Variants in COG6 observed in about 807,000 individuals in gnomAD.
The protein encoded by COG6 is conserved oligomeric Golgi complex subunit 6.
Under a neutral mutation model 88.8 loss-of-function variants are expected in COG6, and 74 were observed. That is an observed-to-expected ratio of 0.83 (90% CI 0.69 to 1.01). The LOEUF (loss-of-function observed/expected upper bound fraction) is 1.01, where lower values mean the gene tolerates loss of function less well. Among genes scored for constraint, COG6 ranks in the 50% least tolerant of loss-of-function variants. The pLI, the probability that COG6 is intolerant of heterozygous loss-of-function variation, is 0.00. For missense variants in COG6, 800 were observed against 797.9 expected, an observed-to-expected ratio of 1.00 and a Z score of -0.03; for synonymous variants, 286 against 278.7, an observed-to-expected ratio of 1.03 and a Z score of -0.26.
Position 39,655,775 on chromosome 13 carries a change from G to A in COG6, c.49G>A (p.Ala17Thr). 6.3e-7 allele frequency: 1 copy of A among 1,595,156 alleles called. No homozygotes were observed. The highest frequency in any genetic ancestry group is 8.5e-7 in the Non-Finnish European group (1 of 1,171,126). ...GGTCGCAGTGTCTGCGACCGGGGCT[G>A]CCAACGGCCTCAACAATGGGGCAGG... is the stretch of plus-strand genomic sequence containing the variant. ...EVVAVSATGA[A>T]NGLNNGAGGT... is the part of the protein sequence containing the mutation. The change falls in exon 1 of 19, where the codon GCC becomes ACC. Residue 17 changes from alanine (A) to threonine (T), a missense_variant. Physicochemically the swap from Ala to Thr is moderately conservative, Grantham distance 58. Coordinates refer to ENST00000455146, the MANE Select transcript of COG6 (RefSeq NM_020751.3).
chr13:39,660,281 G>GAA (rs1874816169), intron 2 of COG6, among the ~76,000 whole-genome samples: 1 of 151,992 alleles, frequency 6.6e-6, no homozygotes, highest in African/African-American at 2.4e-5. Flanking sequence ...CTACAGCATC[G>GAA]AACTCCTGGG....
chr13:39,733,102 A>C (rs1284449750), intron 18 of COG6, among the ~76,000 whole-genome samples: 1 of 152,158 alleles, frequency 6.6e-6, no homozygotes, highest in Non-Finnish European at 1.5e-5. Context: ...ACTGAAAGTG[A>C]AATAAATGTT....
chr13:39,763,215 C>G (rs1881075319), intron 18 of COG6, among the ~76,000 whole-genome samples: 6 of 151,696 alleles, frequency 4.0e-5, no homozygotes, highest in Admixed American at 3.3e-4. Flanking sequence ...AGCAACCTTG[C>G]TAAATTTACT....
chr13:39,655,932 G>A (rs1874457224), intron 1 of COG6, 53 bp downstream of exon 1: 1 of 1,565,472 alleles, frequency 6.4e-7, no homozygotes, highest in Admixed American at 1.9e-5. Context: ...GCTGAGCCGG[G>A]CCAGGGGCGG....
At chr13:39,754,497 G>A (rs536382578), downstream of COG6, among the ~76,000 whole-genome samples, 27 of 152,066 alleles carry the variant, frequency 1.8e-4, 1 homozygote, top group Non-Finnish European at 3.4e-4. Flanking sequence ...TACTGATAAT[G>A]TTTTATTCTT....
chr13:39,746,387 A>G (rs1297196248), intron 18 of COG6, among the ~76,000 whole-genome samples: 3 of 152,172 alleles, frequency 2.0e-5, no homozygotes, highest in African/African-American at 7.2e-5. Flanking sequence ...AGTAAAATCA[A>G]GTGCATGCCC....
intron 3 of COG6, among the ~76,000 whole-genome samples, chr13:39,662,892 G>A (rs1874998750): frequency 6.6e-6 from 1 of 151,910 alleles, no homozygotes; most frequent in South Asian, 2.1e-4. Context: ...AAAGAAAAGT[G>A]TTTCTTAGAG....
chr13:39,680,380 A>G (rs944069682), intron 7 of COG6, among the ~76,000 whole-genome samples: 4 of 152,212 alleles, frequency 2.6e-5, no homozygotes, highest in Non-Finnish European at 4.4e-5. Flanking sequence ...GATTATTTTA[A>G]AGCAGATTAG....
chr13:39,707,131 AC>A lies in COG6; in HGVS notation c.1284+7514del, dbSNP rs1877980988. Among the ~76,000 whole-genome samples, 3 of 149,918 alleles carry A rather than the reference AC, an allele frequency of 2.0e-5. No homozygotes were observed. In the South Asian group the frequency reaches 6.3e-4, roughly 32 times the overall value. On this transcript the variant is annotated intron_variant, in intron 13 of 18. Coordinates refer to ENST00000455146, the MANE Select transcript of COG6 (RefSeq NM_020751.3). ...AAGAAGAAGAAGAACAAATGAGCTC[AC>A]TTTTTTTTTTTTTTGAGACAGAGTC...
At chr13:39,665,517 C>T (rs965423477) in intron 4 of COG6, among the ~76,000 whole-genome samples, 1 of 151,912 alleles carries the variant, frequency 6.6e-6, no homozygotes, top group African/African-American at 2.4e-5. Flanking sequence ...GATATATCCT[C>T]TCTGGTATAA....
At chr13:39,789,395 C>T (rs1181955922) in exon 19 of COG6, 1 of 152,312 alleles carries the variant, frequency 6.6e-6, no homozygotes, top group Middle Eastern at 3.4e-3. Context: ...ATTAATTTCT[C>T]TTCGAAGAAT....
Position 39,752,014 on chromosome 13 carries a change from C to A in COG6, c.*921C>A. On this transcript the variant is annotated 3_prime_UTR_variant, in exon 19 of 19. Coordinates refer to ENST00000455146, the MANE Select transcript of COG6 (RefSeq NM_020751.3). ...AAAAAACTGCCAGAGGAGGAGTTGC[C>A]AATTGGCAGTGTGTCTTATCTCCAT... 7.9e-7 allele frequency: 1 copy of A among 1,269,546 alleles called. No homozygotes were observed. Among genetic ancestry groups the A allele is most frequent in the Non-Finnish European group, 1.0e-6 (1 of 972,586 alleles). The allele number at this position is 1,269,546 out of a possible 1,614,324, so 78.6% of individuals were successfully genotyped here. A position where few individuals can be genotyped will look rare whatever the true frequency, so the allele number is the denominator to read the frequency against.
intron 13 of COG6, among the ~76,000 whole-genome samples, chr13:39,704,746 T>C (rs956624622): frequency 1.4e-4 from 21 of 152,170 alleles, no homozygotes; most frequent in Non-Finnish European, 2.9e-5. Flanking sequence ...AAGAAAGTAA[T>C]TGTAATCTGA....
At chr13:39,711,171 A>C (rs536155517) in intron 13 of COG6, among the ~76,000 whole-genome samples, 105 of 152,272 alleles carry the variant, frequency 6.9e-4, no homozygotes, top group African/African-American at 2.4e-3. Flanking sequence ...AAGGATATAA[A>C]ATTAGCTAGC....
At chr13:39,670,096 A>G (rs556295777) in intron 4 of COG6, among the ~76,000 whole-genome samples, 1 of 152,226 alleles carries the variant, frequency 6.6e-6, no homozygotes, top group South Asian at 2.1e-4. Context: ...TATTTTTCCA[A>G]CTGAGTGAGA....
chr13:39,723,251 A>G, intron 15 of COG6, 82 bp from the exon 16 acceptor site: 1 of 815,744 alleles, frequency 1.2e-6, no homozygotes, highest in African/African-American at 1.7e-5. Context: ...GTGCCTCATC[A>G]TCAGTGCCAA....
intron 18 of COG6, among the ~76,000 whole-genome samples, chr13:39,743,797 C>CA (rs1174095122): frequency 6.6e-6 from 1 of 151,872 alleles, no homozygotes; most frequent in Non-Finnish European, 1.5e-5. Context: ...AGAGACACAA[C>CA]AAAAAAAGAG....
chr13:39,772,766 C>T (rs1593484330), intron 18 of COG6, among the ~76,000 whole-genome samples: 1 of 152,176 alleles, frequency 6.6e-6, no homozygotes, highest in Admixed American at 6.5e-5. Context: ...AGGAAACAGA[C>T]ATCCTTCTTC....
At chr13:39,725,595 G>A (rs1321220897) in intron 17 of COG6, among the ~76,000 whole-genome samples, 1 of 151,774 alleles carries the variant, frequency 6.6e-6, no homozygotes, top group Non-Finnish European at 1.5e-5. Flanking sequence ...ATGATTATTA[G>A]ATAAAGTAGA....
Sources: gnomAD v4.1 joint callset for allele counts (sites outside exome capture counted in the v4.1 genomes callset) on GRCh38, gnomAD v4.1.1 for gene constraint, MANE v1.5 for transcripts, NCBI Gene and HGNC (gene_info 2026-07-23, HGNC 2026-07-21) for gene names.